SEMA5A: variants seen among roughly 807,000 people sequenced by gnomAD.
SEMA5A encodes semaphorin 5A.
Under a neutral mutation model 135.5 loss-of-function variants are expected in SEMA5A, and 55 were observed. The observed-to-expected ratio is 0.41, with a 90% confidence interval of 0.33 to 0.51. The LOEUF is 0.51. Ranked by LOEUF, SEMA5A falls within the 20% of genes least tolerant of loss-of-function variation. SEMA5A has a pLI of 0.37. For missense variants in SEMA5A, 1,290 were observed against 1,419.9 expected (o/e 0.91, Z 1.47); for synonymous variants, 580 against 546.5 (o/e 1.06, Z -0.85).
At chr5:9,188,728 C>CT (rs1744937194) in intron 11 of SEMA5A, among the ~76,000 whole-genome samples, 2 of 100,982 alleles carry the variant, frequency 2.0e-5, no homozygotes, top group South Asian at 7.2e-4. Context: ...GCCGGGTACC[C>CT]TGGGGAAAAT....
At chr5:9,456,818 G>T (rs1370642883) in intron 1 of SEMA5A, among the ~76,000 whole-genome samples, 1 of 152,156 alleles carries the variant, frequency 6.6e-6, no homozygotes, top group Non-Finnish European at 1.5e-5. Flanking sequence ...TTTGGAAATT[G>T]CCATTCAATG....
At chr5:9,078,648 GA>G (rs1236683698) in intron 16 of SEMA5A, among the ~76,000 whole-genome samples, 19 of 149,988 alleles carry the variant, frequency 1.3e-4, no homozygotes, top group African/African-American at 3.7e-4. Context: ...ACAAAATTTA[GA>G]AAAAAAAATT....
chr5:9,474,499 AT>A (rs1178952243), intron 1 of SEMA5A, among the ~76,000 whole-genome samples: 2 of 151,606 alleles, frequency 1.3e-5, no homozygotes, highest in African/African-American at 4.9e-5. Flanking sequence ...AAAAAAAAAA[AT>A]AGGGCATTCT....
intron 1 of SEMA5A, among the ~76,000 whole-genome samples, chr5:9,514,640 T>C (rs1736406476): frequency 6.6e-6 from 1 of 152,344 alleles, no homozygotes; most frequent in Non-Finnish European, 1.5e-5. Context: ...ATAGTTGTTA[T>C]ACTGTATTGC....
intron 11 of SEMA5A, among the ~76,000 whole-genome samples, chr5:9,187,804 C>G (rs1411412909): frequency 6.6e-6 from 1 of 152,184 alleles, no homozygotes; most frequent in Non-Finnish European, 1.5e-5. Flanking sequence ...ATATCGGAAT[C>G]AGATCTGCAC....
At chr5:9,423,193 A>T (rs569760168) in intron 2 of SEMA5A, among the ~76,000 whole-genome samples, 4 of 152,204 alleles carry the variant, frequency 2.6e-5, no homozygotes, top group Admixed American at 6.5e-5. Context: ...CTGCTTCCCC[A>T]CTAGACTTGT....
At chr5:9,106,367 A>G (rs532684916) in intron 16 of SEMA5A, among the ~76,000 whole-genome samples, 1 of 152,348 alleles carries the variant, frequency 6.6e-6, no homozygotes, top group East Asian at 1.9e-4. Flanking sequence ...GATGTCACAC[A>G]TACACACATA....
chr5:9,110,700 C>A (rs1023039834), intron 15 of SEMA5A, among the ~76,000 whole-genome samples: 12 of 152,190 alleles, frequency 7.9e-5, no homozygotes, highest in African/African-American at 2.7e-4. Flanking sequence ...ACCAACTGGG[C>A]AAGCAGTTTA....
At chr5:9,353,036 AAAG>A (rs932030730) in intron 3 of SEMA5A, among the ~76,000 whole-genome samples, 3 of 144,006 alleles carry the variant, frequency 2.1e-5, no homozygotes, top group African/African-American at 7.8e-5. Flanking sequence ...AGAAAGAACA[AAAG>A]AAGAAGGAAG....
intron 18 of SEMA5A, among the ~76,000 whole-genome samples, chr5:9,055,466 A>T (rs979657783): frequency 6.6e-6 from 1 of 152,198 alleles, no homozygotes; most frequent in Non-Finnish European, 1.5e-5. Context: ...GGATGCCAAA[A>T]TCATTCAGGG....
intron 1 of SEMA5A, among the ~76,000 whole-genome samples, chr5:9,521,786 G>C (rs576598413): frequency 1.3e-5 from 2 of 152,096 alleles, no homozygotes; most frequent in African/African-American, 4.8e-5. Context: ...TAAAGCACGC[G>C]CTCCCTGCAG....
At chr5:9,516,972 T>C (rs1736564063) in intron 1 of SEMA5A, 1 of 152,252 alleles carries the variant, frequency 6.6e-6, no homozygotes, top group Admixed American at 6.5e-5. Flanking sequence ...AATCCTGTTA[T>C]TCTCACATGG....
At chr5:9,346,854 T>C (rs1265773093) in intron 3 of SEMA5A, among the ~76,000 whole-genome samples, 1 of 152,062 alleles carries the variant, frequency 6.6e-6, no homozygotes, top group African/African-American at 2.4e-5. Context: ...CATAGATATA[T>C]AAATATAGGC....
intron 11 of SEMA5A, among the ~76,000 whole-genome samples, chr5:9,167,330 A>T (rs1743664896): frequency 6.6e-6 from 1 of 152,012 alleles, no homozygotes; most frequent in Non-Finnish European, 1.5e-5. Flanking sequence ...TTTCCAACCA[A>T]CTCTCAGGCG....
chr5:9,287,681 A>G (rs935389292), intron 5 of SEMA5A, among the ~76,000 whole-genome samples: 2 of 152,062 alleles, frequency 1.3e-5, no homozygotes, highest in African/African-American at 4.8e-5. Context: ...TTTTATTAAA[A>G]CTCAGCCATC....
At chr5:9,536,469 T>C (rs1737773491) in intron 1 of SEMA5A, among the ~76,000 whole-genome samples, 1 of 151,940 alleles carries the variant, frequency 6.6e-6, no homozygotes, top group Non-Finnish European at 1.5e-5. Flanking sequence ...AAAAATTAGC[T>C]GGGCATGATG....
intron 13 of SEMA5A, among the ~76,000 whole-genome samples, chr5:9,135,325 C>T (rs1307772559): frequency 1.1e-4 from 16 of 151,934 alleles, no homozygotes; most frequent in South Asian, 4.2e-4. Context: ...GGACTACAGG[C>T]GCCCGCCACC....
rs967584644 is a variant in SEMA5A at position 9,204,736 on chromosome 5, G to A, written c.647-2496C>T. On this transcript the variant is annotated intron_variant, in intron 8 of 22. Transcript: ENST00000382496. The surrounding 1 kb of genome is among the most constrained non-coding windows in gnomAD (Gnocchi z 6.4). Reference sequence around the variant, plus strand: ...TAGACCGGGGGTCACCAACCCCCAGGACATGGACCAGTACCAGTCCATGGC... The same window carrying A: ...TAGACCGGGGGTCACCAACCCCCAGAACATGGACCAGTACCAGTCCATGGC... Among the ~76,000 whole-genome samples the A allele has an allele frequency of 1.3e-5, 2 of 152,270 alleles. No individual in the cohort carries two copies. Among genetic ancestry groups the A allele is most frequent in the East Asian group, 1.9e-4 (1 of 5,174 alleles).
chr5:9,359,353 T>G (rs1157089678), intron 3 of SEMA5A, among the ~76,000 whole-genome samples: 1 of 152,230 alleles, frequency 6.6e-6, no homozygotes, highest in Non-Finnish European at 1.5e-5. Flanking sequence ...GCATACTGTA[T>G]GTAAGGCACT....
Sources: gnomAD v4.1 joint callset for allele counts (sites outside exome capture counted in the v4.1 genomes callset) on GRCh38, gnomAD v4.1.1 for gene constraint, Gnocchi (gnomAD v3.1) non-coding constraint, MANE v1.5 for transcripts, NCBI Gene and HGNC (gene_info 2026-07-23, HGNC 2026-07-21) for gene names.